The following SERINC5 variants were observed in gnomAD, a reference collection of about 807,000 sequenced individuals.
SERINC5 encodes the protein chromosome 5 open reading frame 12.
Under a neutral mutation model 63.1 loss-of-function variants are expected in SERINC5, and 41 were observed. The observed-to-expected ratio is 0.65, with a 90% confidence interval of 0.51 to 0.84. SERINC5 has a LOEUF of 0.84. Ranked by LOEUF, SERINC5 falls within the 40% of genes least tolerant of loss-of-function variation. SERINC5 has a pLI of 0.00. For missense variants in SERINC5, 523 were observed against 573.0 expected (o/e 0.91, Z 0.89); for synonymous variants, 222 against 215.2 (o/e 1.03, Z -0.28).
At chr5:80,123,823 C>T (rs1744637920) in intron 11 of SERINC5, among the ~76,000 whole-genome samples, 2 of 152,202 alleles carry the variant, frequency 1.3e-5, no homozygotes, top group Admixed American at 6.5e-5. Flanking sequence ...GGGAAGGTAG[C>T]TTATTCTGAT....
At chr5:80,179,985 G>C (rs1311857934) in intron 2 of SERINC5, among the ~76,000 whole-genome samples, 1 of 152,134 alleles carries the variant, frequency 6.6e-6, no homozygotes, top group Non-Finnish European at 1.5e-5. Flanking sequence ...CTTATTACTA[G>C]TGAGATTCAG....
At chr5:80,136,726 T>C (rs1745192363), downstream of SERINC5, among the ~76,000 whole-genome samples, 1 of 152,110 alleles carries the variant, frequency 6.6e-6, no homozygotes, top group African/African-American at 2.4e-5. Flanking sequence ...ATTCAAGATA[T>C]ATAAGAAACT....
chr5:80,163,277 A>G (rs887651907), intron 7 of SERINC5, among the ~76,000 whole-genome samples: 1 of 152,168 alleles, frequency 6.6e-6, no homozygotes, highest in Non-Finnish European at 1.5e-5. Flanking sequence ...CACATCATCA[A>G]CAAACACGAC....
intron 5 of SERINC5, among the ~76,000 whole-genome samples, chr5:80,174,632 G>A (rs766573807): frequency 2.9e-4 from 44 of 151,980 alleles, no homozygotes; most frequent in Non-Finnish European, 5.0e-4. Flanking sequence ...GGCCAGGTGC[G>A]GTGGCTCGAG....
intron 1 of SERINC5, among the ~76,000 whole-genome samples, 153 bp downstream of exon 1, chr5:80,255,743 C>A (rs985530555): frequency 6.6e-6 from 1 of 151,552 alleles, no homozygotes; most frequent in African/African-American, 2.4e-5. Flanking sequence ...ATTTCCCGGA[C>A]GGCTGAGCGC....
intron 2 of SERINC5, among the ~76,000 whole-genome samples, chr5:80,182,468 G>A (rs1748496311): frequency 6.7e-6 from 1 of 150,088 alleles, no homozygotes; most frequent in Non-Finnish European, 1.5e-5. Flanking sequence ...ATTACGTGTT[G>A]CCAGCAACTC....
At chr5:80,199,906 A>T (rs1274429641) in intron 2 of SERINC5, among the ~76,000 whole-genome samples, 2 of 152,210 alleles carry the variant, frequency 1.3e-5, no homozygotes, top group Non-Finnish European at 2.9e-5. Flanking sequence ...CAAAGAGTAA[A>T]TTTAAGTAAT....
intron 11 of SERINC5, among the ~76,000 whole-genome samples, chr5:80,115,346 T>C (rs934125561): frequency 1.3e-5 from 2 of 151,976 alleles, no homozygotes; most frequent in African/African-American, 4.8e-5. Flanking sequence ...CAAGGTTGTC[T>C]CTCCAATGAC....
chr5:80,206,683 C>CTCTT (rs1324113577), intron 1 of SERINC5, among the ~76,000 whole-genome samples: 1 of 152,086 alleles, frequency 6.6e-6, no homozygotes, highest in African/African-American at 2.4e-5. Context: ...TTTTACTGAC[C>CTCTT]TCTTTCCACT....
chr5:80,162,896 G>A (rs1360443853), intron 7 of SERINC5, among the ~76,000 whole-genome samples: 1 of 151,504 alleles, frequency 6.6e-6, no homozygotes, highest in Non-Finnish European at 1.5e-5. Context: ...TGGGGTGCAG[G>A]GGTGCTGTAG....
intron 1 of SERINC5, among the ~76,000 whole-genome samples, chr5:80,245,034 C>T (rs1259887704): frequency 6.6e-6 from 1 of 152,140 alleles, no homozygotes; most frequent in Non-Finnish European, 1.5e-5. Flanking sequence ...TCTGACCAGG[C>T]CAGTTGGCTC....
intron 7 of SERINC5, among the ~76,000 whole-genome samples, chr5:80,166,155 G>T (rs1030752613): frequency 1.3e-5 from 2 of 152,024 alleles, no homozygotes; most frequent in Non-Finnish European, 2.9e-5. Context: ...AATTAAATTT[G>T]ACTATAGTCA....
intron 1 of SERINC5, among the ~76,000 whole-genome samples, chr5:80,230,459 A>AAAAAAAGAAAG (rs70982042): frequency 7.8e-6 from 1 of 128,630 alleles, no homozygotes; most frequent in African/African-American, 3.1e-5. Flanking sequence ...AAAAAAAAAA[A>AAAAAAAGAAAG]AAAGAAACCA....
chr5:80,166,161 AG>A (rs1399866491), intron 7 of SERINC5, among the ~76,000 whole-genome samples: 2 of 152,314 alleles, frequency 1.3e-5, no homozygotes, highest in Admixed American at 1.3e-4. Flanking sequence ...ATTTGACTAT[AG>A]TCACCCTGTT....
At chr5:80,204,545 A>G (rs73128097) in intron 1 of SERINC5, among the ~76,000 whole-genome samples, 4,748 of 152,302 alleles carry the variant, frequency 0.031, 259 homozygotes, top group African/African-American at 0.11. Context: ...CAAAGCTTTC[A>G]TCGGAATTGT....
intron 5 of SERINC5, among the ~76,000 whole-genome samples, chr5:80,171,894 AC>A (rs1747689977): frequency 6.6e-6 from 1 of 151,924 alleles, no homozygotes; most frequent in African/African-American, 2.4e-5. Flanking sequence ...AAAAAAAAAG[AC>A]AAAAAAAGAA....
At chr5:80,228,278 GGGAGGGAGGGAAA>G (rs1382155439) in intron 1 of SERINC5, among the ~76,000 whole-genome samples, 7 of 104,956 alleles carry the variant, frequency 6.7e-5, no homozygotes, top group Non-Finnish European at 9.9e-5. Context: ...GAGGGAGGGA[GGGAGGGAGGGAAA>G]GGAGGGAGGG....
intron 2 of SERINC5, among the ~76,000 whole-genome samples, chr5:80,189,642 CTATTCTAA>C (rs991979961): frequency 2.0e-5 from 3 of 152,192 alleles, no homozygotes; most frequent in Non-Finnish European, 4.4e-5. Flanking sequence ...GCAGGTCTTT[CTATTCTAA>C]CCATTTAGAG....
rs12513770 is a variant in SERINC5 at position 80,142,489 on chromosome 5, G to C, written c.*1174C>G. The C allele has an allele frequency of 0.56, 554,500 of 983,626 alleles. 156,926 individuals are homozygous for C. The highest frequency in any genetic ancestry group is 0.63 in the African/African-American group (36,174 of 57,148). 60.9% of individuals were successfully genotyped at this position (983,626 alleles called of 1,614,324 possible). On this transcript the variant is annotated 3_prime_UTR_variant, in exon 12 of 12. Transcript: ENST00000507668. ...CCTCAAGTGATCCGCCTGCCTCTGC[G>C]CACCTCTTTTTAAGTATATTCGGCC...
Sources: gnomAD v4.1 joint callset for allele counts (sites outside exome capture counted in the v4.1 genomes callset) on GRCh38, gnomAD v4.1.1 for gene constraint, MANE v1.5 for transcripts, NCBI Gene and HGNC (gene_info 2026-07-23, HGNC 2026-07-21) for gene names.